TBCK: variants seen among roughly 807,000 people sequenced by gnomAD.
TBCK encodes the protein TBC1 domain containing kinase, also known as TBC domain-containing protein kinase-like protein.
TBCK carries 99 observed loss-of-function variants against 113.4 expected under a neutral mutation model. The ratio of observed to expected loss-of-function variants is 0.87; its 90% CI spans 0.74 to 1.03. The LOEUF is 1.03. Ranked by LOEUF, TBCK falls within the 50% of genes least tolerant of loss-of-function variation. The pLI is 0.00. For synonymous variants in TBCK, 369 were observed against 370.8 expected (o/e 1.00, Z 0.05); for missense variants, 1,045 against 1,061.3 (o/e 0.98, Z 0.21).
intron 23 of TBCK, among the ~76,000 whole-genome samples, chr4:106,167,291 AAACAG>A (rs1160840372): frequency 6.6e-6 from 1 of 150,444 alleles, no homozygotes; most frequent in African/African-American, 2.4e-5. Flanking sequence ...CTTAGACACG[AAACAG>A]AACACCTTTA....
Position 106,135,628 on chromosome 4 carries a change from C to G in TBCK, c.2236-19250G>C, listed in dbSNP as rs1343819439. Among the ~76,000 whole-genome samples, 5 of 141,684 alleles carry G rather than the reference C, an allele frequency of 3.5e-5. 2 individuals are homozygous for G. The highest frequency in any genetic ancestry group is 8.0e-5 in the Non-Finnish European group (5 of 62,428). The allele number at this position is 141,684 out of a possible 152,430, so 93.0% of individuals were successfully genotyped here. A position where few individuals can be genotyped will look rare whatever the true frequency, so the allele number is the denominator to read the frequency against. ...GGAAAAGAAGAAAAGAGAAGGAAGA[C>G]TGTTGTAGAAGTGGGTTACTATAAA... On this transcript the variant is annotated intron_variant, in intron 23 of 25. Coordinates refer to ENST00000394708, the MANE Select transcript of TBCK (RefSeq NM_001163435.3).
In TBCK at chr4:106,122,960, T is replaced by G. The variant is rs1435603266; in HGVS notation, c.2236-6582A>C. 2.0e-5 allele frequency among the ~76,000 whole-genome samples: 3 copies of G among 152,322 alleles called. No individual in the cohort carries two copies. The South Asian group carries it at 6.2e-4, about 32-fold the overall frequency. On this transcript the variant is annotated intron_variant, in intron 23 of 25. Transcript: ENST00000394708. ...AACTGGAAGCATTTCCTTTGAAAAC[T>G]GGCACAAGACAGGGATGCCTTCTCT...
chr4:106,066,665 T>C (rs1184841502), intron 25 of TBCK, among the ~76,000 whole-genome samples: 1 of 152,032 alleles, frequency 6.6e-6, no homozygotes, highest in Non-Finnish European at 1.5e-5. Context: ...TTTGGACTCA[T>C]TAAGCATTAA....
intron 5 of TBCK, among the ~76,000 whole-genome samples, chr4:106,259,592 T>C (rs554514467): frequency 6.6e-6 from 1 of 151,958 alleles, no homozygotes; most frequent in Non-Finnish European, 1.5e-5. Flanking sequence ...TAATTACTCT[T>C]AAGTGATTAT....
chr4:106,104,851 A>G (rs1052744981), intron 24 of TBCK, among the ~76,000 whole-genome samples: 2 of 152,204 alleles, frequency 1.3e-5, no homozygotes, highest in African/African-American at 2.4e-5. Flanking sequence ...CAGGTTCTGG[A>G]AAATCCGAGA....
chr4:106,257,652 A>T (rs544760735), intron 5 of TBCK, among the ~76,000 whole-genome samples: 3 of 152,160 alleles, frequency 2.0e-5, no homozygotes, highest in African/African-American at 7.2e-5. Flanking sequence ...CCCTAAGATG[A>T]TACTGCTCTT....
rs912935095 is a variant in TBCK, at chr4:106,111,182, T to C, written c.2411+5021A>G. On this transcript the variant is annotated intron_variant, in intron 24 of 25. Coordinates refer to ENST00000394708, the MANE Select transcript of TBCK (RefSeq NM_001163435.3). The stretch of plus-strand genomic sequence containing the variant: ...AGGGAGAGAAATTATAAAGAGCCCA[T>C]GAATTAGCCGAGGAGCAATTAAAAG... Among the ~76,000 whole-genome samples, 10 of 152,148 alleles carry C rather than the reference T, an allele frequency of 6.6e-5. 1 individual carries two copies. Among genetic ancestry groups the C allele is most frequent in the Admixed American group, 6.5e-4 (10 of 15,278 alleles).
intron 19 of TBCK, among the ~76,000 whole-genome samples, chr4:106,229,327 C>T (rs751322715): frequency 1.2e-4 from 18 of 151,898 alleles, no homozygotes; most frequent in Non-Finnish European, 2.2e-4. Flanking sequence ...CCTGGACCAA[C>T]GTCCTGGAGA....
intron 15 of TBCK, 116 bp downstream of exon 15, chr4:106,235,153 A>G (rs1376191537): frequency 6.9e-6 from 4 of 583,640 alleles, no homozygotes; most frequent in Admixed American, 7.4e-5. Flanking sequence ...TCTAATGCTT[A>G]TATTTTACTA....
intron 19 of TBCK, among the ~76,000 whole-genome samples, chr4:106,225,846 T>C (rs912670465): frequency 6.6e-6 from 1 of 152,158 alleles, no homozygotes; most frequent in Non-Finnish European, 1.5e-5. Context: ...TTGTCTTGCA[T>C]ATCTGTATAG....
At chr4:106,239,603 A>C (rs943782803) in intron 12 of TBCK, among the ~76,000 whole-genome samples, 2 of 152,062 alleles carry the variant, frequency 1.3e-5, no homozygotes, top group African/African-American at 2.4e-5. Context: ...AAGAAATGGA[A>C]GCACCGGAAG....
At position 106,183,812 on chromosome 4, in the gene TBCK, C is replaced by T. The variant is rs72677348; in HGVS notation, c.2059+9797G>A. ...CAAACATAGTATTTTTCACAAGTCC[C>T]ACTTACTGCAGTTTAGTCTCACTGA... On this transcript the variant is annotated intron_variant, in intron 22 of 25. Coordinates refer to ENST00000394708, the MANE Select transcript of TBCK (RefSeq NM_001163435.3). Among the ~76,000 whole-genome samples the T allele has an allele frequency of 2.5e-3, 381 of 152,078 alleles. 1 individual carries two copies. Among genetic ancestry groups the T allele is most frequent in the Non-Finnish European group, 4.7e-3 (322 of 67,952 alleles).
intron 23 of TBCK, among the ~76,000 whole-genome samples, chr4:106,144,098 C>G (rs2149661022): frequency 1.3e-5 from 2 of 152,168 alleles, no homozygotes; most frequent in Admixed American, 1.3e-4. Flanking sequence ...CTGCCTCTTT[C>G]CATAAAGGAT....
At chr4:106,131,637 A>T (rs1049209851) in intron 23 of TBCK, among the ~76,000 whole-genome samples, 1 of 152,194 alleles carries the variant, frequency 6.6e-6, no homozygotes, top group Non-Finnish European at 1.5e-5. Context: ...ATAAAAATAC[A>T]GCAAATTGGT....
At chr4:106,185,740 A>T (rs1450047781) in intron 22 of TBCK, among the ~76,000 whole-genome samples, 1 of 151,968 alleles carries the variant, frequency 6.6e-6, no homozygotes, top group Admixed American at 6.6e-5. Flanking sequence ...TTCCAACTTT[A>T]ATTTTAGGTT....
At chr4:106,157,498 G>T (rs1427187632) in intron 23 of TBCK, among the ~76,000 whole-genome samples, 1 of 152,154 alleles carries the variant, frequency 6.6e-6, no homozygotes, top group Non-Finnish European at 1.5e-5. Flanking sequence ...GGGTGATAAG[G>T]CTTGCCAGAA....
At chr4:106,285,837 TAATTTATAA>T (rs1765058136) in intron 3 of TBCK, among the ~76,000 whole-genome samples, 1 of 152,232 alleles carries the variant, frequency 6.6e-6, no homozygotes, top group Non-Finnish European at 1.5e-5. Context: ...AGGAAAGAAC[TAATTTATAA>T]ACCTTAAGAA....
intron 3 of TBCK, among the ~76,000 whole-genome samples, chr4:106,269,379 C>CTAG (rs1165751610): frequency 1.3e-5 from 2 of 151,944 alleles, no homozygotes; most frequent in African/African-American, 4.8e-5. Flanking sequence ...CAATGATGAG[C>CTAG]TAGTGTCTTT....
chr4:106,181,250 T>A (rs1316644769), intron 22 of TBCK, among the ~76,000 whole-genome samples: 1 of 152,238 alleles, frequency 6.6e-6, no homozygotes, highest in East Asian at 1.9e-4. Flanking sequence ...TTAAGTTCTT[T>A]ATAGATGCTG....
Sources: allele counts gnomAD v4.1 joint callset (sites outside exome capture counted in the v4.1 genomes callset), GRCh38; gene constraint gnomAD v4.1.1; transcripts MANE v1.5; gene names NCBI Gene and HGNC (gene_info 2026-07-23, HGNC 2026-07-21).